N4BP2L2: variants seen among roughly 807,000 people sequenced by gnomAD.
The protein encoded by N4BP2L2 is NEDD4 binding protein 2 like 2.
N4BP2L2 carries 50 observed loss-of-function variants against 56.2 expected under a neutral mutation model. That is an observed-to-expected ratio of 0.89 (90% CI 0.71 to 1.13). The LOEUF is 1.13. Among genes scored for constraint, N4BP2L2 ranks in the 50% most tolerant of loss-of-function variants. The pLI, the probability that N4BP2L2 is intolerant of heterozygous loss-of-function variation, is 0.00. For synonymous variants in N4BP2L2, 203 were observed against 223.6 expected, an observed-to-expected ratio of 0.91 and a Z score of 0.82; for missense variants, 689 against 693.8, an observed-to-expected ratio of 0.99 and a Z score of 0.08.
At chr13:32,443,001 C>T (rs1360961134) in exon 7 of N4BP2L2, 2 of 1,613,520 alleles carry the variant, frequency 1.2e-6, no homozygotes, top group Non-Finnish European at 1.7e-6. Flanking sequence ...CACATTTCTC[C>T]CTTTCTTTTA....
At chr13:32,465,728 A>C (rs2081100832) in intron 6 of N4BP2L2, among the ~76,000 whole-genome samples, 1 of 152,160 alleles carries the variant, frequency 6.6e-6, no homozygotes, top group East Asian at 1.9e-4. Context: ...ATCTCGGCTT[A>C]CTACAACCTC....
intron 5 of N4BP2L2, among the ~76,000 whole-genome samples, chr13:32,521,122 A>G (rs1192805438): frequency 6.6e-6 from 1 of 152,214 alleles, no homozygotes; most frequent in Non-Finnish European, 1.5e-5. Context: ...CCTGTAGTTG[A>G]AAAGATAGAA....
intron 6 of N4BP2L2, among the ~76,000 whole-genome samples, chr13:32,469,784 T>C (rs977385884): frequency 1.3e-5 from 2 of 152,218 alleles, no homozygotes; most frequent in Non-Finnish European, 2.9e-5. Context: ...AAGTCAAGTA[T>C]AGACTTGGTG....
intron 3 of N4BP2L2, chr13:32,524,544 T>G (rs930787202): frequency 1.3e-5 from 2 of 152,220 alleles, no homozygotes; most frequent in Non-Finnish European, 2.9e-5. Context: ...ACTTTGGAGA[T>G]GTTTTCGATT....
exon 6 of N4BP2L2, chr13:32,512,324 C>T (rs1231795763): frequency 6.6e-6 from 1 of 152,162 alleles, no homozygotes; most frequent in African/African-American, 2.4e-5. Flanking sequence ...GTGAAGTCTT[C>T]AGTTACTCAC....
Position 32,443,377 on chromosome 13 carries a change from C to T in N4BP2L2, c.1115G>A (p.Ser372Asn), listed in dbSNP as rs780770472. The change falls in exon 7 of 10, where the codon AGC becomes AAC. Residue 372 changes from serine (S) to asparagine (N), a missense_variant. By Grantham distance (46) the Ser-to-Asn change is conservative (BLOSUM62 1). Transcript: ENST00000357505. ...AAACTTATGAGGTCCTGCAGGCCAG[C>T]TACCAAAATAGGGCTGTCTGTCAGA... 8.7e-6 allele frequency: 14 copies of T among 1,613,872 alleles called. No homozygotes were observed. In the South Asian group the frequency reaches 1.3e-4, roughly 15 times the overall value.
chr13:32,490,895 G>A (rs1469469605), intron 6 of N4BP2L2, among the ~76,000 whole-genome samples: 1 of 151,912 alleles, frequency 6.6e-6, no homozygotes, highest in Non-Finnish European at 1.5e-5. Flanking sequence ...AACAGGTCAG[G>A]TCCAAGTTCC....
At chr13:32,446,103 G>C (rs1315502738) in intron 6 of N4BP2L2, among the ~76,000 whole-genome samples, 1 of 152,212 alleles carries the variant, frequency 6.6e-6, no homozygotes, top group African/African-American at 2.4e-5. Flanking sequence ...GGACAAATGA[G>C]ATTAAACCTA....
intron 1 of N4BP2L2, 43 bp downstream of exon 1, chr13:32,538,575 C>A: frequency 2.1e-6 from 2 of 965,698 alleles, no homozygotes; most frequent in Non-Finnish European, 1.2e-6. Context: ...GCGAAAAACA[C>A]CACCACCGCC....
At chr13:32,474,738 G>A (rs2082969282) in intron 6 of N4BP2L2, among the ~76,000 whole-genome samples, 1 of 152,130 alleles carries the variant, frequency 6.6e-6, no homozygotes, top group African/African-American at 2.4e-5. Context: ...CATAGACCAT[G>A]TGATAAAAGA....
At chr13:32,457,120 C>T (rs1227747229) in intron 6 of N4BP2L2, among the ~76,000 whole-genome samples, 1 of 152,160 alleles carries the variant, frequency 6.6e-6, no homozygotes, top group Non-Finnish European at 1.5e-5. Context: ...GCCTGGGCAA[C>T]AGAGCGAGAC....
At chr13:32,469,848 C>T (rs1245487203) in intron 6 of N4BP2L2, among the ~76,000 whole-genome samples, 1 of 152,178 alleles carries the variant, frequency 6.6e-6, no homozygotes, top group Non-Finnish European at 1.5e-5. Context: ...CCTAAGTGTT[C>T]CAGTTCAGGG....
chr13:32,521,288 G>A, intron 5 of N4BP2L2, 85 bp downstream of exon 5: 1 of 1,075,580 alleles, frequency 9.3e-7, no homozygotes, highest in Admixed American at 2.1e-5. Flanking sequence ...ACCTACATTT[G>A]TATTCAATAA....
intron 8 of N4BP2L2, among the ~76,000 whole-genome samples, chr13:32,437,813 T>C (rs2075698393): frequency 6.6e-6 from 1 of 152,246 alleles, no homozygotes. Context: ...TGAGTCCTTA[T>C]ACCTGTATAT....
intron 6 of N4BP2L2, among the ~76,000 whole-genome samples, chr13:32,457,799 G>C (rs549284209): frequency 3.4e-4 from 51 of 152,082 alleles, no homozygotes; most frequent in Non-Finnish European, 1.5e-4. Flanking sequence ...AAACTCACTG[G>C]TAGAGCAAAC....
intron 6 of N4BP2L2, chr13:32,477,208 G>A (rs1224920517): frequency 9.1e-6 from 4 of 439,032 alleles, no homozygotes; most frequent in Non-Finnish European, 1.7e-5. Flanking sequence ...GTGGAGGAGA[G>A]GATGCCCTGG....
intron 5 of N4BP2L2, among the ~76,000 whole-genome samples, 167 bp from the exon 6 acceptor site, chr13:32,518,170 T>A (rs540341605): frequency 6.6e-6 from 1 of 152,204 alleles, no homozygotes; most frequent in South Asian, 2.1e-4. Flanking sequence ...AAAACTCAAA[T>A]GTTTTTATCA....
At chr13:32,480,576 A>C in intron 6 of N4BP2L2, 2 of 1,250,532 alleles carry the variant, frequency 1.6e-6, no homozygotes, top group Non-Finnish European at 1.0e-6. Flanking sequence ...CATTACTTGG[A>C]GTTTCCATCT....
exon 2 of N4BP2L2, chr13:32,536,325 A>G: frequency 1.2e-6 from 2 of 1,613,978 alleles, no homozygotes; most frequent in Non-Finnish European, 1.7e-6. Flanking sequence ...TTCTGCTGAT[A>G]ATCACAATGT....
Sources: allele counts gnomAD v4.1 joint callset (sites outside exome capture counted in the v4.1 genomes callset), GRCh38; gene constraint gnomAD v4.1.1; transcripts MANE v1.5; gene names NCBI Gene and HGNC (gene_info 2026-07-23, HGNC 2026-07-21).